Variants in NTRK3 observed in about 807,000 individuals in gnomAD.
NTRK3 encodes neurotrophic receptor tyrosine kinase 3.
A neutral mutation model predicts 91.7 loss-of-function variants in NTRK3; 24 were observed. The ratio of observed to expected loss-of-function variants is 0.26; its 90% CI spans 0.19 to 0.37. NTRK3 has a LOEUF of 0.37. Ranked by LOEUF, NTRK3 falls within the 10% of genes least tolerant of loss-of-function variation. The pLI, the probability that NTRK3 is intolerant of heterozygous loss-of-function variation, is 1.00. For synonymous variants in NTRK3, 483 were observed against 404.0 expected (o/e 1.20, Z -2.34); for missense variants, 880 against 1,068.9 (o/e 0.82, Z 2.46).
chr15:87,928,952 A>G, intron 17 of NTRK3: 5 of 612,392 alleles, frequency 8.2e-6, no homozygotes, highest in Non-Finnish European at 1.4e-5. Flanking sequence ...TGTTATTGCA[A>G]TGTACAGATT....
At chr15:88,159,509 C>T (rs1352573430) in intron 5 of NTRK3, among the ~76,000 whole-genome samples, 3 of 152,220 alleles carry the variant, frequency 2.0e-5, no homozygotes, top group African/African-American at 7.2e-5. Context: ...ATTGATGTTG[C>T]TGGTTTGGGA....
In NTRK3 at chr15:88,255,322, A is replaced by T. The variant is rs1598212184; in HGVS notation, c.248+584T>A. 6.6e-6 allele frequency among the ~76,000 whole-genome samples: 1 copy of T among 152,012 alleles called. No homozygotes were observed. ...GGAAGGGAAGAGGTAGGCGTCCATG[A>T]CGGCCTCCACACGTCCAAAGTCTCC... On this transcript the variant is annotated intron_variant, in intron 3 of 18. Transcript: ENST00000394480. This position sits in a 1 kb window ranked among gnomAD's most constrained non-coding sequence, Gnocchi z 4.3.
At chr15:87,958,417 T>C (rs190098796) in intron 14 of NTRK3, among the ~76,000 whole-genome samples, 24 of 152,208 alleles carry the variant, frequency 1.6e-4, no homozygotes, top group African/African-American at 5.3e-4. Context: ...CCAGCATCGT[T>C]GTCCAAACCC....
At position 87,966,188 on chromosome 15, in the gene NTRK3, T is replaced by C. The variant is rs115132984; in HGVS notation, c.1586-25435A>G. 3.9e-3 allele frequency among the ~76,000 whole-genome samples: 592 copies of C among 152,356 alleles called. 4 individuals are homozygous for C. The highest frequency in any genetic ancestry group is 0.014 in the African/African-American group (567 of 41,580). On this transcript the variant is annotated intron_variant, in intron 14 of 18. Transcript: ENST00000394480. Reference sequence around the variant, plus strand: ...TTTCATCATATTGCTTCATAATTACTCACTTATCTATACCAGGCCTATTCC... The same window carrying C: ...TTTCATCATATTGCTTCATAATTACCCACTTATCTATACCAGGCCTATTCC...
intron 13 of NTRK3, among the ~76,000 whole-genome samples, chr15:88,067,891 T>C (rs1824553): frequency 0.39 from 59,847 of 151,990 alleles, 11,970 homozygotes; most frequent in Non-Finnish European, 0.42. Context: ...CAAGTGCTCA[T>C]TAATGAAGAC....
At chr15:87,912,445 A>G (rs2067139788) in intron 17 of NTRK3, among the ~76,000 whole-genome samples, 1 of 152,170 alleles carries the variant, frequency 6.6e-6, no homozygotes, top group South Asian at 2.1e-4. Flanking sequence ...GGGATTGATC[A>G]CTAATCTCTC....
chr15:88,017,956 A>G (rs10468138), intron 14 of NTRK3, among the ~76,000 whole-genome samples: 81,881 of 152,102 alleles, frequency 0.54, 24,810 homozygotes, highest in African/African-American at 0.84. Flanking sequence ...AAGAGTTGCT[A>G]TATCACCAGC....
intron 14 of NTRK3, among the ~76,000 whole-genome samples, chr15:88,008,678 C>A (rs994843995): frequency 1.2e-4 from 18 of 152,276 alleles, no homozygotes; most frequent in Non-Finnish European, 2.9e-5. Context: ...GGTGGCAGTG[C>A]AGTTCTGATG....
chr15:88,096,631 T>TG (rs1290728631), intron 13 of NTRK3, among the ~76,000 whole-genome samples: 4 of 152,166 alleles, frequency 2.6e-5, no homozygotes, highest in African/African-American at 7.2e-5. Flanking sequence ...CCCAGAAGTG[T>TG]GGGGTAATTA....
At chr15:88,217,063 A>T (rs2049842903) in intron 3 of NTRK3, among the ~76,000 whole-genome samples, 1 of 152,228 alleles carries the variant, frequency 6.6e-6, no homozygotes, top group Non-Finnish European at 1.5e-5. Flanking sequence ...CATCAAAACC[A>T]TGAGATGCCA....
intron 14 of NTRK3, among the ~76,000 whole-genome samples, chr15:87,968,853 T>C (rs1479910277): frequency 6.6e-6 from 1 of 152,234 alleles, no homozygotes; most frequent in African/African-American, 2.4e-5. Context: ...ACCCATGCTA[T>C]AGAATCAGGA....
intron 14 of NTRK3, among the ~76,000 whole-genome samples, chr15:88,024,906 G>T (rs950052624): frequency 4.6e-5 from 7 of 152,224 alleles, no homozygotes; most frequent in African/African-American, 1.7e-4. Context: ...ATGGCAATTG[G>T]TCTTTGACCG....
At chr15:87,988,452 T>C (rs551571809) in intron 14 of NTRK3, among the ~76,000 whole-genome samples, 3 of 152,240 alleles carry the variant, frequency 2.0e-5, no homozygotes, top group Non-Finnish European at 4.4e-5. Flanking sequence ...CCTACACTCA[T>C]TTCTTACTTG....
chr15:88,073,677 A>T lies in NTRK3; in HGVS notation c.1397-40632T>A, dbSNP rs572982824. ...CATTAACAAGCTCCAGGAGTTAAAT[A>T]GTTGAACTTGTTATCTTTGCCTGAA... is the stretch of plus-strand genomic sequence containing the variant. On this transcript the variant is annotated intron_variant, in intron 13 of 18. Transcript: ENST00000394480. Among the ~76,000 whole-genome samples the T allele has an allele frequency of 2.2e-4, 34 of 152,272 alleles. 1 individual carries two copies. In the South Asian group the frequency reaches 3.9e-3, roughly 18 times the overall value.
At chr15:88,107,382 A>G (rs2050832598) in intron 13 of NTRK3, among the ~76,000 whole-genome samples, 1 of 152,202 alleles carries the variant, frequency 6.6e-6, no homozygotes, top group African/African-American at 2.4e-5. Context: ...GTTGGAGGCT[A>G]CAAAGAGCTG....
intron 17 of NTRK3, among the ~76,000 whole-genome samples, chr15:87,920,236 C>T (rs1029999989): frequency 9.8e-5 from 15 of 152,360 alleles, no homozygotes; most frequent in African/African-American, 3.6e-4. Context: ...GGTTGTAATA[C>T]TTATAATTAG....
At chr15:88,198,455 C>T (rs1010696841) in intron 3 of NTRK3, among the ~76,000 whole-genome samples, 3 of 152,184 alleles carry the variant, frequency 2.0e-5, no homozygotes, top group African/African-American at 7.2e-5. Flanking sequence ...ATCTTCCTCT[C>T]CCCTAAGCTT....
chr15:88,135,069 A>G (rs2041745644), intron 10 of NTRK3, 32 bp downstream of exon 10: 1 of 1,613,442 alleles, frequency 6.2e-7, no homozygotes, highest in Non-Finnish European at 8.5e-7. Context: ...GAAAGAATCC[A>G]TACACCTCCG....
At chr15:88,250,839 T>C (rs74621635) in intron 3 of NTRK3, among the ~76,000 whole-genome samples, 447 of 152,386 alleles carry the variant, frequency 2.9e-3, no homozygotes, top group African/African-American at 0.01. Context: ...TATTACTTTA[T>C]ATGTTTATAT....
Sources: gnomAD v4.1 joint callset for allele counts (sites outside exome capture counted in the v4.1 genomes callset) on GRCh38, gnomAD v4.1.1 for gene constraint, Gnocchi (gnomAD v3.1) non-coding constraint, MANE v1.5 for transcripts, NCBI Gene and HGNC (gene_info 2026-07-23, HGNC 2026-07-21) for gene names.